Variants in BAMBI observed in about 807,000 individuals in gnomAD.
BAMBI encodes BMP and activin membrane-bound inhibitor homolog.
Under a neutral mutation model 24.1 loss-of-function variants are expected in BAMBI, and 21 were observed. The observed-to-expected ratio is 0.87, with a 90% CI of 0.62 to 1.26. The LOEUF is 1.26. Ranked by LOEUF, BAMBI falls within the 50% of genes most tolerant of loss-of-function variation. The pLI, the probability that BAMBI is intolerant of heterozygous loss-of-function variation, is 0.00. For synonymous variants in BAMBI, 156 were observed against 123.1 expected (o/e 1.27, Z -1.77); for missense variants, 388 against 329.1 (o/e 1.18, Z -1.38).
At chr10:28,680,279 C>G (rs1395766967) in intron 1 of BAMBI, among the ~76,000 whole-genome samples, 1 of 152,036 alleles carries the variant, frequency 6.6e-6, no homozygotes, top group African/African-American at 2.4e-5. Context: ...ACTTGAAGAC[C>G]CAGATTATTT....
intron 2 of BAMBI, 192 bp downstream of exon 2, chr10:28,681,737 A>G: frequency 2.6e-6 from 2 of 762,138 alleles, no homozygotes; most frequent in Non-Finnish European, 4.1e-6. Context: ...CTGTCTACAT[A>G]ATAGGTTTTG....
intron 1 of BAMBI, 108 bp downstream of exon 1, chr10:28,678,081 A>C: frequency 2.0e-6 from 2 of 1,015,738 alleles, no homozygotes; most frequent in Non-Finnish European, 2.7e-6. Context: ...CCTGCGCCGG[A>C]GCCGCAGGTC....
rs997596532 is a variant in BAMBI at position 28,677,813 on chromosome 10, G to A, written c.-85G>A. 10 of 1,143,406 alleles carry A rather than the reference G, an allele frequency of 8.7e-6. No homozygotes were observed. In the Admixed American group the frequency reaches 2.6e-4, roughly 30 times the overall value. The allele number at this position is 1,143,406 out of a possible 1,614,324, so 70.8% of individuals were successfully genotyped here. A position where few individuals can be genotyped will look rare whatever the true frequency, so the allele number is the denominator to read the frequency against. On this transcript the variant is annotated 5_prime_UTR_variant, in exon 1 of 3. It removes an upstream start codon present in the reference 5' UTR. Coordinates refer to ENST00000375533, the MANE Select transcript of BAMBI (RefSeq NM_012342.3). ...GCCCGCCGCTCCGGGCAGGGCCCAT[G>A]CCCTGCGCGCTCCGGGGGTCGTAGG...
chr10:28,681,751 G>GT (rs1564439484), intron 2 of BAMBI: 7 of 762,854 alleles, frequency 9.2e-6, no homozygotes, highest in Non-Finnish European at 1.4e-5. Context: ...GGTTTTGCCT[G>GT]TTTTTTCAAC....
At chr10:28,681,599 C>T (rs1834498701) in intron 2 of BAMBI, 54 bp downstream of exon 2, 2 of 1,563,674 alleles carry the variant, frequency 1.3e-6, no homozygotes, top group Admixed American at 1.7e-5. Flanking sequence ...AGACTTGTGA[C>T]AGCCACGACT....
At chr10:28,678,923 T>C (rs531657087) in intron 1 of BAMBI, among the ~76,000 whole-genome samples, 1 of 152,254 alleles carries the variant, frequency 6.6e-6, no homozygotes, top group Non-Finnish European at 1.5e-5. Context: ...AAGGTTCTCC[T>C]CACCTCCCTG....
Position 28,682,305 on chromosome 10 carries a change from TGA to T in BAMBI, c.688_689del (p.Asp230Ter). On this transcript the variant is annotated frameshift_variant, in exon 3 of 3. Coordinates refer to ENST00000375533, the MANE Select transcript of BAMBI (RefSeq NM_012342.3). LOFTEE classifies it high-confidence loss of function. ...SGHENCCLTCDKMRQADLSND... is the reference protein window; with the variant it reads ...SGHENCCLTCXKMRQADLSND... Reference sequence around the variant, plus strand: ...GGCACGAGAACTGCTGTCTGACCTGTGATAAAATGAGACAAGCAGACCTCAGC... The same window carrying T: ...GGCACGAGAACTGCTGTCTGACCTGTTAAAATGAGACAAGCAGACCTCAGC... The T allele has an allele frequency of 6.2e-7, 1 of 1,614,058 alleles. No homozygotes were observed. Among genetic ancestry groups the T allele is most frequent in the Non-Finnish European group, 8.5e-7 (1 of 1,180,010 alleles).
chr10:28,679,061 C>T (rs913812363), intron 1 of BAMBI, among the ~76,000 whole-genome samples: 7 of 152,166 alleles, frequency 4.6e-5, no homozygotes, highest in African/African-American at 1.4e-4. Flanking sequence ...TAAGCTAGCC[C>T]AGCGAGGATG....
intron 2 of BAMBI, 92 bp downstream of exon 2, chr10:28,681,637 T>G: frequency 7.2e-7 from 1 of 1,389,858 alleles, no homozygotes; most frequent in African/African-American, 1.4e-5. Context: ...ATTTTGTTGT[T>G]AATGTAATTA....
At chr10:28,679,116 AC>A (rs1276472963) in intron 1 of BAMBI, among the ~76,000 whole-genome samples, 1 of 152,180 alleles carries the variant, frequency 6.6e-6, no homozygotes, top group African/African-American at 2.4e-5. Context: ...GGTGTAATTA[AC>A]CCTAAATAAC....
At chr10:28,679,324 T>C (rs1326009484) in intron 1 of BAMBI, among the ~76,000 whole-genome samples, 2 of 152,240 alleles carry the variant, frequency 1.3e-5, no homozygotes, top group African/African-American at 2.4e-5. Flanking sequence ...TGTAGCCATC[T>C]TGACTAAAGC....
chr10:28,681,618 C>G (rs1409195661), intron 2 of BAMBI, 73 bp downstream of exon 2: 3 of 1,483,472 alleles, frequency 2.0e-6, no homozygotes, highest in Admixed American at 1.8e-5. Context: ...CTTTGTATGT[C>G]TGCTATTGAT....
Position 28,682,411 on chromosome 10 carries a change from A to C in BAMBI, c.*10A>C. On this transcript the variant is annotated 3_prime_UTR_variant, in exon 3 of 3. Coordinates refer to ENST00000375533, the MANE Select transcript of BAMBI (RefSeq NM_012342.3). ...GCTGGAATTCGTATGACGGAGTCTTATCTGAACTACACTTACTGAACAGCT... is the reference window on the plus strand; with the variant it reads ...GCTGGAATTCGTATGACGGAGTCTTCTCTGAACTACACTTACTGAACAGCT... The C allele has an allele frequency of 1.2e-6, 2 of 1,605,430 alleles. No homozygotes were observed. The highest frequency in any genetic ancestry group is 1.7e-6 in the Non-Finnish European group (2 of 1,173,486).
chr10:28,681,453 C>G lies in BAMBI; in HGVS notation c.272C>G (p.Thr91Ser). The change falls in exon 2 of 3, where the codon ACC (threonine) becomes AGC (serine). Residue 91 changes from threonine to serine, a missense_variant. Transcript: ENST00000375533. The stretch of plus-strand genomic sequence containing the variant: ...AAACAGGCCCGAAACCACTCTGGCA[C>G]CACCATACCCACATTGGAATGCTGT... Reference protein sequence around the residue: ...QAKQARNHSGTTIPTLECCHE... With the variant: ...QAKQARNHSGSTIPTLECCHE... 5 of 1,614,198 alleles carry G rather than the reference C, an allele frequency of 3.1e-6. No individual in the cohort carries two copies. Among genetic ancestry groups the G allele is most frequent in the Non-Finnish European group, 4.2e-6 (5 of 1,180,040 alleles).
chr10:28,680,161 C>G (rs952373878), intron 1 of BAMBI, among the ~76,000 whole-genome samples: 1 of 152,036 alleles, frequency 6.6e-6, no homozygotes, highest in Non-Finnish European at 1.5e-5. Context: ...GTGGAGGTTT[C>G]GGATCTTCAG....
rs1162516881 is a variant in BAMBI at position 28,682,400 on chromosome 10, G to A, written c.782G>A (p.Ter261=). ...GGGCACGGGAAGCTGGAATTCGTAT[G>A]ACGGAGTCTTATCTGAACTACACTT... ...YSGHGKLEFV[*] is the part of the protein sequence containing the mutation. The change falls in exon 3 of 3, where the codon TGA becomes TAA. Residue 261 remains the stop codon, a stop_retained_variant. Coordinates refer to ENST00000375533, the MANE Select transcript of BAMBI (RefSeq NM_012342.3). The A allele has an allele frequency of 1.2e-6, 2 of 1,608,412 alleles. No individual in the cohort carries two copies. Among genetic ancestry groups the A allele is most frequent in the Non-Finnish European group, 1.7e-6 (2 of 1,175,496 alleles).
intron 1 of BAMBI, 59 bp downstream of exon 1, chr10:28,678,032 C>A: frequency 6.9e-7 from 1 of 1,440,074 alleles, no homozygotes; most frequent in South Asian, 1.3e-5. Context: ...GCTTTGGAGC[C>A]GGCTGCAGAG....
chr10:28,679,981 C>G (rs913056099), intron 1 of BAMBI, among the ~76,000 whole-genome samples: 1 of 152,108 alleles, frequency 6.6e-6, no homozygotes, highest in Non-Finnish European at 1.5e-5. Flanking sequence ...TCCTTAGAAC[C>G]GAAGCATTAG....
intron 1 of BAMBI, among the ~76,000 whole-genome samples, chr10:28,680,305 A>ATT (rs1359601007): frequency 6.6e-6 from 1 of 152,236 alleles, no homozygotes; most frequent in African/African-American, 2.4e-5. Context: ...AGAAACTGAT[A>ATT]TTAAAGCCTC....
Sources: allele counts gnomAD v4.1 joint callset (sites outside exome capture counted in the v4.1 genomes callset), GRCh38; gene constraint gnomAD v4.1.1; transcripts MANE v1.5; gene names NCBI Gene and HGNC (gene_info 2026-07-23, HGNC 2026-07-21).